Variants in CAMK1G observed in about 807,000 individuals in gnomAD.
CAMK1G encodes the protein calcium/calmodulin dependent protein kinase IG.
CAMK1G carries 27 observed loss-of-function variants against 54.8 expected under a neutral mutation model. That is an observed-to-expected ratio of 0.49 (90% confidence interval 0.36 to 0.68). The LOEUF is 0.68. CAMK1G is among the 30% of genes least tolerant of loss of function. The pLI is 0.00. For missense variants in CAMK1G, 512 were observed against 591.0 expected (o/e 0.87, Z 1.39); for synonymous variants, 238 against 224.9 (o/e 1.06, Z -0.52).
At chr1:209,595,964 C>G (rs915034018) in intron 2 of CAMK1G, among the ~76,000 whole-genome samples, 13 of 152,174 alleles carry the variant, frequency 8.5e-5, no homozygotes, top group African/African-American at 3.1e-4. Flanking sequence ...GCCCCCAAAC[C>G]CCTCAGAACC....
At chr1:209,611,594 C>T in intron 10 of CAMK1G, 42 bp downstream of exon 10, 2 of 1,580,816 alleles carry the variant, frequency 1.3e-6, no homozygotes, top group Non-Finnish European at 8.7e-7. Context: ...TGTTCTGGGC[C>T]CCTGGAGGCT....
chr1:209,589,879 C>T (rs1452552018), intron 1 of CAMK1G, among the ~76,000 whole-genome samples: 1 of 152,206 alleles, frequency 6.6e-6, no homozygotes, highest in Non-Finnish European at 1.5e-5. Context: ...CTCCACGACT[C>T]AAAGATAGTT....
chr1:209,609,396 C>A (rs1665726672), intron 8 of CAMK1G, among the ~76,000 whole-genome samples: 1 of 152,162 alleles, frequency 6.6e-6, no homozygotes, highest in Non-Finnish European at 1.5e-5. Flanking sequence ...GAGTTCCAGA[C>A]AAGAGCAGCA....
chr1:209,606,993 A>G (rs1460166521), intron 6 of CAMK1G, among the ~76,000 whole-genome samples: 1 of 152,196 alleles, frequency 6.6e-6, no homozygotes, highest in Non-Finnish European at 1.5e-5. Flanking sequence ...AGGGCCCCCA[A>G]AAAGAGTGAG....
intron 12 of CAMK1G, 22 bp downstream of exon 12, chr1:209,612,934 G>C (rs1163279465): frequency 8.2e-7 from 1 of 1,223,184 alleles, no homozygotes; most frequent in African/African-American, 1.5e-5. Context: ...CACAGTGTGA[G>C]GCTTGGGGAG....
At chr1:209,609,214 G>T (rs1430783180) in intron 8 of CAMK1G, 122 bp downstream of exon 8, 3 of 1,134,984 alleles carry the variant, frequency 2.6e-6, no homozygotes, top group South Asian at 1.5e-5. Context: ...TACAGAACAG[G>T]CTGCCAAGGA....
rs1450532758 is a variant in CAMK1G at position 209,612,100 on chromosome 1, G to A, written c.1224G>A (p.Gln408=). Residue 408 remains glutamine (Q), a synonymous_variant, in exon 11 of 13, where the codon CAG becomes CAA. Transcript: ENST00000361322. ...HISSSLVPMH[Q]GSLAAGPCGC... is the part of the protein sequence containing the mutation. ...GCAGCAGCCTGGTGCCCATGCATCA[G>A]GGGTCCCTGGCCGCCGGGCCCTGTG... 1 of 1,614,188 alleles carries A rather than the reference G, an allele frequency of 6.2e-7. No individual in the cohort carries two copies. Among genetic ancestry groups the A allele is most frequent in the Non-Finnish European group, 8.5e-7 (1 of 1,179,980 alleles).
At chr1:209,594,744 A>G (rs141940664) in intron 1 of CAMK1G, among the ~76,000 whole-genome samples, 2 of 152,386 alleles carry the variant, frequency 1.3e-5, no homozygotes, top group Non-Finnish European at 2.9e-5. Context: ...CATAGTGCAC[A>G]TGTAGTAGGC....
At chr1:209,587,648 A>G (rs964520093) in intron 1 of CAMK1G, among the ~76,000 whole-genome samples, 1 of 152,036 alleles carries the variant, frequency 6.6e-6, no homozygotes, top group East Asian at 1.9e-4. Flanking sequence ...ACCAGAGAGG[A>G]GGATGGAAAC....
intron 1 of CAMK1G, among the ~76,000 whole-genome samples, chr1:209,587,140 C>G (rs1191317785): frequency 6.6e-6 from 1 of 151,882 alleles, no homozygotes; most frequent in East Asian, 1.9e-4. Flanking sequence ...CTTCCTGAAG[C>G]CTTTAGGTTC....
At chr1:209,604,675 G>A (rs905084575) in intron 4 of CAMK1G, among the ~76,000 whole-genome samples, 28 of 152,138 alleles carry the variant, frequency 1.8e-4, no homozygotes, top group Non-Finnish European at 3.4e-4. Flanking sequence ...GAAATAGTCT[G>A]GGAATGCTTA....
intron 1 of CAMK1G, among the ~76,000 whole-genome samples, chr1:209,587,440 A>C (rs570930941): frequency 1.3e-5 from 2 of 152,232 alleles, no homozygotes; most frequent in Admixed American, 6.5e-5. Flanking sequence ...TATCTACGAA[A>C]TTTGGGAAAT....
chr1:209,603,337 G>A, intron 4 of CAMK1G, 49 bp downstream of exon 4: 1 of 1,503,978 alleles, frequency 6.6e-7, no homozygotes, highest in East Asian at 2.3e-5. Context: ...GTGGGGCCTG[G>A]GAGGCCTACA....
chr1:209,588,060 G>A (rs956084242), intron 1 of CAMK1G, among the ~76,000 whole-genome samples: 7 of 152,186 alleles, frequency 4.6e-5, no homozygotes, highest in Non-Finnish European at 1.0e-4. Flanking sequence ...AAAAGAGCCA[G>A]GCATGATCCA....
At chr1:209,605,960 A>G (rs1665637973) in intron 5 of CAMK1G, among the ~76,000 whole-genome samples, 1 of 152,186 alleles carries the variant, frequency 6.6e-6, no homozygotes, top group African/African-American at 2.4e-5. Context: ...GCAACAAAAT[A>G]TTTACTGAGG....
chr1:209,598,316 C>G (rs1174444970), intron 2 of CAMK1G, among the ~76,000 whole-genome samples: 2 of 152,198 alleles, frequency 1.3e-5, no homozygotes, highest in Non-Finnish European at 2.9e-5. Context: ...ACCCTGGCCT[C>G]TGATAACTGG....
At chr1:209,590,905 C>A (rs713075) in intron 1 of CAMK1G, among the ~76,000 whole-genome samples, 30,050 of 151,938 alleles carry the variant, frequency 0.2, 3,738 homozygotes, top group Non-Finnish European at 0.27. Context: ...GCTCTTTAAA[C>A]CTGATAAGAT....
intron 2 of CAMK1G, among the ~76,000 whole-genome samples, chr1:209,599,669 A>G (rs1665478770): frequency 6.6e-6 from 1 of 152,152 alleles, no homozygotes; most frequent in Admixed American, 6.5e-5. Flanking sequence ...CAGTTTTATC[A>G]ATTGACCCTA....
intron 3 of CAMK1G, among the ~76,000 whole-genome samples, chr1:209,601,341 G>A (rs1458646103): frequency 6.6e-6 from 1 of 152,194 alleles, no homozygotes; most frequent in Non-Finnish European, 1.5e-5. Flanking sequence ...AAAGTATACA[G>A]GACAAAAGCA....
Sources: allele counts gnomAD v4.1 joint callset (sites outside exome capture counted in the v4.1 genomes callset), GRCh38; gene constraint gnomAD v4.1.1; transcripts MANE v1.5; gene names NCBI Gene and HGNC (gene_info 2026-07-23, HGNC 2026-07-21).